The following ADAMTS19 variants were observed in gnomAD, a reference collection of about 807,000 sequenced individuals.
ADAMTS19 encodes the protein A disintegrin and metalloproteinase with thrombospondin motifs 19.
In ADAMTS19, 93 loss-of-function variants were observed where a neutral mutation model predicts 153.3. That is an observed-to-expected ratio of 0.61 (90% CI 0.51 to 0.72). The LOEUF (loss-of-function observed/expected upper bound fraction) is 0.72, where lower values mean the gene tolerates loss of function less well. Among genes scored for constraint, ADAMTS19 ranks in the 30% least tolerant of loss-of-function variants. The probability of loss-of-function intolerance (pLI) is 0.00; values close to 1 mark genes in which losing one functional copy is unlikely to be tolerated. For missense variants in ADAMTS19, 1,482 were observed against 1,552.1 expected, an observed-to-expected ratio of 0.95 and a Z score of 0.76; for synonymous variants, 600 against 556.6, an observed-to-expected ratio of 1.08 and a Z score of -1.10.
intron 15 of ADAMTS19, among the ~76,000 whole-genome samples, chr5:129,663,659 T>C (rs1753916384): frequency 6.6e-6 from 1 of 152,224 alleles, no homozygotes; most frequent in African/African-American, 2.4e-5. Flanking sequence ...TCCTGGATTT[T>C]ACCATTAGTG....
intron 7 of ADAMTS19, among the ~76,000 whole-genome samples, chr5:129,585,548 T>A (rs904399316): frequency 6.6e-6 from 1 of 152,188 alleles, no homozygotes; most frequent in African/African-American, 2.4e-5. Context: ...TTGTTGCATA[T>A]ATTTTGAATT....
chr5:129,631,410 G>C (rs984405166), intron 10 of ADAMTS19, among the ~76,000 whole-genome samples: 1 of 151,778 alleles, frequency 6.6e-6, no homozygotes, highest in East Asian at 1.9e-4. Flanking sequence ...TTATGTGTAT[G>C]GATGTTCTAA....
intron 13 of ADAMTS19, among the ~76,000 whole-genome samples, chr5:129,650,999 G>A (rs552484436): frequency 6.6e-6 from 1 of 152,196 alleles, no homozygotes; most frequent in South Asian, 2.1e-4. Context: ...AATACATTAA[G>A]GTGGCTGCCC....
At chr5:129,614,530 G>A (rs1004811343) in intron 8 of ADAMTS19, among the ~76,000 whole-genome samples, 3 of 152,112 alleles carry the variant, frequency 2.0e-5, no homozygotes, top group South Asian at 2.1e-4. Flanking sequence ...TTGATGGGAC[G>A]TATCTCAAAA....
chr5:129,540,883 C>G (rs115892519), intron 6 of ADAMTS19, among the ~76,000 whole-genome samples: 1,757 of 152,102 alleles, frequency 0.012, 18 homozygotes, highest in Non-Finnish European at 0.018. Context: ...TAATGAAACT[C>G]TGTGATGCAG....
chr5:129,465,596 G>A (rs1749828959), intron 2 of ADAMTS19, among the ~76,000 whole-genome samples: 1 of 151,916 alleles, frequency 6.6e-6, no homozygotes, highest in Non-Finnish European at 1.5e-5. Context: ...TGTATTCTGT[G>A]GAAAGTTTTA....
At chr5:129,634,978 G>A (rs956909904) in intron 10 of ADAMTS19, among the ~76,000 whole-genome samples, 1 of 151,906 alleles carries the variant, frequency 6.6e-6, no homozygotes, top group Non-Finnish European at 1.5e-5. Flanking sequence ...CACCAAGAGT[G>A]GACAGACAGC....
intron 10 of ADAMTS19, among the ~76,000 whole-genome samples, chr5:129,623,065 G>A (rs1173312696): frequency 6.6e-6 from 1 of 151,912 alleles, no homozygotes; most frequent in Non-Finnish European, 1.5e-5. Context: ...TTGTGGAGGA[G>A]GAACTATACA....
At chr5:129,672,809 T>TACAC (rs35764527) in intron 16 of ADAMTS19, among the ~76,000 whole-genome samples, 3 of 150,180 alleles carry the variant, frequency 2.0e-5, no homozygotes, top group East Asian at 2.0e-4. Flanking sequence ...AGTCCAAATC[T>TACAC]ACACACACAC....
rs115045493 is a variant in ADAMTS19, at chr5:129,616,837, A to T, written c.1479-3781A>T. On this transcript the variant is annotated intron_variant, in intron 8 of 22. Transcript: ENST00000274487. ...CTACATGTAGAGGTACATTTCTGCT[A>T]AAAGAACAGAGGCATTTAAAATTAT... Among the ~76,000 whole-genome samples the T allele has an allele frequency of 2.0e-3, 309 of 152,214 alleles. 1 individual carries two copies. The highest frequency in any genetic ancestry group is 3.4e-3 in the Middle Eastern group (1 of 294).
At chr5:129,512,767 C>G (rs781426478) in intron 3 of ADAMTS19, among the ~76,000 whole-genome samples, 1 of 152,146 alleles carries the variant, frequency 6.6e-6, no homozygotes, top group Admixed American at 6.6e-5. Flanking sequence ...GATAAAAAGC[C>G]TCTCATTTTA....
chr5:129,606,784 A>G lies in ADAMTS19; in HGVS notation c.1478+10120A>G, dbSNP rs76625501. Among the ~76,000 whole-genome samples, 661 of 152,288 alleles carry G rather than the reference A, an allele frequency of 4.3e-3. 5 individuals are homozygous for G. Among genetic ancestry groups the G allele is most frequent in the East Asian group, 0.026 (134 of 5,188 alleles). ...CCTTTATTCATTTTTTTATTATCCCAACTTCCAGCACTAATGATTTATACC... is the reference window on the plus strand; with the variant it reads ...CCTTTATTCATTTTTTTATTATCCCGACTTCCAGCACTAATGATTTATACC... On this transcript the variant is annotated intron_variant, in intron 8 of 22. Transcript: ENST00000274487.
intron 2 of ADAMTS19, among the ~76,000 whole-genome samples, chr5:129,507,185 A>G (rs547917321): frequency 6.6e-6 from 1 of 152,062 alleles, no homozygotes; most frequent in Non-Finnish European, 1.5e-5. Context: ...GCTGAGCAGC[A>G]TAATTCTTAT....
chr5:129,461,204 A>G lies in ADAMTS19; in HGVS notation c.194A>G (p.Asp65Gly), dbSNP rs2112861621. The stretch of plus-strand genomic sequence containing the variant: ...GCTGGCGGCAGCGGGGGCAGCGCGG[A>G]CCCGGGCTGGGTGCGCGGCGTTGGG... ...DPAGGSGGSA[D>G]PGWVRGVGGG... The change falls in exon 2 of 23, where the codon GAC becomes GGC. Residue 65 changes from aspartate to glycine, a missense_variant. Physicochemically the swap from Asp to Gly is moderately conservative, Grantham distance 94 (BLOSUM62 -1). Transcript: ENST00000274487. The surrounding 1 kb of genome is among the most constrained non-coding windows in gnomAD (Gnocchi z 4.6). 7.7e-7 allele frequency: 1 copy of G among 1,303,262 alleles called. No individual in the cohort carries two copies. The highest frequency in any genetic ancestry group is 9.7e-7 in the Non-Finnish European group (1 of 1,030,858). The allele number at this position is 1,303,262 out of a possible 1,614,324, so 80.7% of individuals were successfully genotyped here. A position where few individuals can be genotyped will look rare whatever the true frequency, so the allele number is the denominator to read the frequency against.
At chr5:129,531,608 G>A (rs1752208119) in intron 6 of ADAMTS19, among the ~76,000 whole-genome samples, 1 of 152,068 alleles carries the variant, frequency 6.6e-6, no homozygotes, top group Non-Finnish European at 1.5e-5. Flanking sequence ...CTGGGCGACT[G>A]AGCAAGACTC....
intron 6 of ADAMTS19, among the ~76,000 whole-genome samples, chr5:129,537,047 C>T (rs557573756): frequency 6.6e-6 from 1 of 150,718 alleles, no homozygotes; most frequent in South Asian, 2.1e-4. Context: ...TACCCTAAAA[C>T]TTAAATTATA....
chr5:129,634,009 C>T (rs893457486), intron 10 of ADAMTS19, among the ~76,000 whole-genome samples: 6 of 152,078 alleles, frequency 3.9e-5, no homozygotes, highest in African/African-American at 7.2e-5. Context: ...CCTTCACCAC[C>T]TCAGTTTCTG....
rs182638734 is a variant in ADAMTS19, at chr5:129,461,463, C to G, written c.453C>G (p.Pro151=). Residue 151 remains proline, a synonymous_variant, in exon 2 of 23, where the codon CCC becomes CCG. Transcript: ENST00000274487. The surrounding 1 kb of genome is among the most constrained non-coding windows in gnomAD (Gnocchi z 4.6). Reference sequence around the variant, plus strand: ...CGGCCTCGTGGCAGCCGCCGCCTCCCCCGCAGCCGCCCCCGTCCCCGCCCC... The same window carrying G: ...CGGCCTCGTGGCAGCCGCCGCCTCCGCCGCAGCCGCCCCCGTCCCCGCCCC... ...GAPASWQPPP[P]PQPPPSPPPA... is the part of the protein sequence containing the mutation. 0.12 allele frequency: 182,124 copies of G among 1,459,348 alleles called. 12,761 individuals are homozygous for G. The highest frequency in any genetic ancestry group is 0.32 in the East Asian group (10,950 of 33,892). 90.4% of individuals were successfully genotyped at this position (1,459,348 alleles called of 1,614,324 possible). A position where few individuals can be genotyped will look rare whatever the true frequency, so the allele number is the denominator to read the frequency against.
chr5:129,663,555 CA>C (rs1753910850), intron 15 of ADAMTS19, among the ~76,000 whole-genome samples: 1 of 152,092 alleles, frequency 6.6e-6, no homozygotes. Context: ...GCATTGTGTT[CA>C]ATATTTATTA....
Sources: allele counts gnomAD v4.1 joint callset (sites outside exome capture counted in the v4.1 genomes callset), GRCh38; gene constraint gnomAD v4.1.1; non-coding constraint Gnocchi (gnomAD v3.1); transcripts MANE v1.5; gene names NCBI Gene and HGNC (gene_info 2026-07-23, HGNC 2026-07-21).